The following ADAMTS3 variants were observed in gnomAD, a reference collection of about 807,000 sequenced individuals.
ADAMTS3 encodes the protein A disintegrin and metalloproteinase with thrombospondin motifs 3.
In ADAMTS3, 73 loss-of-function variants were observed where a neutral mutation model predicts 129.0. The observed-to-expected ratio is 0.57, with a 90% confidence interval of 0.47 to 0.69. ADAMTS3 has a LOEUF of 0.69. Among genes scored for constraint, ADAMTS3 ranks in the 30% least tolerant of loss-of-function variants. ADAMTS3 has a pLI of 0.00. For synonymous variants in ADAMTS3, 477 were observed against 510.8 expected (o/e 0.93, Z 0.89); for missense variants, 1,457 against 1,514.5 (o/e 0.96, Z 0.63).
At chr4:72,290,756 G>T in intron 20 of ADAMTS3, 99 bp downstream of exon 20, 1 of 1,288,558 alleles carries the variant, frequency 7.8e-7, no homozygotes, top group Non-Finnish European at 1.1e-6. Flanking sequence ...TAGTTTCTCA[G>T]TTCACACAAA....
At chr4:72,318,888 T>C (rs1320858514) in intron 9 of ADAMTS3, among the ~76,000 whole-genome samples, 184 bp from the exon 10 acceptor site, 1 of 152,186 alleles carries the variant, frequency 6.6e-6, no homozygotes, top group Non-Finnish European at 1.5e-5. Context: ...TCTTTACCTG[T>C]ATTCATGCCA....
intron 3 of ADAMTS3, among the ~76,000 whole-genome samples, chr4:72,483,182 A>G (rs1310805240): frequency 1.3e-5 from 2 of 152,160 alleles, no homozygotes; most frequent in African/African-American, 4.8e-5. Flanking sequence ...AAAGGCGTAC[A>G]TATTGGAAGG....
chr4:72,395,793 A>G (rs1278710397), intron 4 of ADAMTS3, among the ~76,000 whole-genome samples: 2 of 152,020 alleles, frequency 1.3e-5, no homozygotes, highest in African/African-American at 4.8e-5. Flanking sequence ...TCCATAATGT[A>G]TAAATGATAG....
intron 3 of ADAMTS3, among the ~76,000 whole-genome samples, chr4:72,462,548 G>A (rs1255255075): frequency 3.3e-5 from 5 of 151,984 alleles, no homozygotes; most frequent in South Asian, 2.1e-4. Flanking sequence ...TGATGGTCCC[G>A]TAGGATTCCA....
chr4:72,542,294 C>T (rs1275294371), intron 3 of ADAMTS3, among the ~76,000 whole-genome samples: 2 of 151,804 alleles, frequency 1.3e-5, no homozygotes, highest in African/African-American at 4.8e-5. Context: ...CCTCCCGAGT[C>T]GCTGGGACTA....
chr4:72,312,233 A>G (rs1719257739), intron 13 of ADAMTS3, 58 bp downstream of exon 13: 20 of 1,594,828 alleles, frequency 1.3e-5, no homozygotes, highest in Non-Finnish European at 1.7e-5. Context: ...CGTGCTGGCA[A>G]AGCTTAAACT....
intron 3 of ADAMTS3, among the ~76,000 whole-genome samples, chr4:72,535,898 T>G (rs1721174671): frequency 6.6e-6 from 1 of 152,224 alleles, no homozygotes; most frequent in Non-Finnish European, 1.5e-5. Flanking sequence ...CATCTCATCC[T>G]GAGATTCCTA....
chr4:72,531,528 G>C (rs1006226158), intron 3 of ADAMTS3, among the ~76,000 whole-genome samples: 11 of 152,128 alleles, frequency 7.2e-5, no homozygotes, highest in African/African-American at 2.4e-4. Context: ...GCAGGAGAGG[G>C]TTGGGTAAAG....
intron 3 of ADAMTS3, among the ~76,000 whole-genome samples, chr4:72,542,684 G>A (rs189544676): frequency 0.019 from 2,968 of 152,248 alleles, 37 homozygotes; most frequent in Non-Finnish European, 0.032. Context: ...TCCAAAGTAT[G>A]ACCCATGACT....
chr4:72,487,286 T>A (rs995403360), intron 3 of ADAMTS3, among the ~76,000 whole-genome samples: 3 of 152,110 alleles, frequency 2.0e-5, no homozygotes, highest in Non-Finnish European at 4.4e-5. Context: ...GAGAAAAAGC[T>A]AACATGGATA....
chr4:72,445,404 A>G (rs1228505823), intron 3 of ADAMTS3, among the ~76,000 whole-genome samples: 1 of 151,764 alleles, frequency 6.6e-6, no homozygotes, highest in Non-Finnish European at 1.5e-5. Flanking sequence ...CTCAGCCACC[A>G]ATATGTTCAA....
intron 4 of ADAMTS3, among the ~76,000 whole-genome samples, chr4:72,370,424 C>T (rs1030453705): frequency 1.3e-5 from 2 of 152,022 alleles, no homozygotes; most frequent in African/African-American, 4.8e-5. Flanking sequence ...TATCAATCTG[C>T]TTATTGTATC....
chr4:72,342,359 CTT>C (rs58586015), intron 4 of ADAMTS3, among the ~76,000 whole-genome samples: 73,050 of 127,272 alleles, frequency 0.57, 24,050 homozygotes, highest in Non-Finnish European at 0.76. Flanking sequence ...TCCCCAATTA[CTT>C]TTTTTTTTTT....
intron 2 of ADAMTS3, among the ~76,000 whole-genome samples, chr4:72,554,982 T>C (rs1258556034): frequency 6.6e-6 from 1 of 151,806 alleles, no homozygotes; most frequent in Admixed American, 6.6e-5. Context: ...TCACAGTGCT[T>C]ACAACACTGT....
At chr4:72,321,089 C>A (rs1013711898) in intron 6 of ADAMTS3, among the ~76,000 whole-genome samples, 2 of 152,008 alleles carry the variant, frequency 1.3e-5, no homozygotes, top group African/African-American at 4.8e-5. Context: ...CAAATGATAC[C>A]ATTTATGAGA....
chr4:72,373,332 C>T (rs1194578861), intron 4 of ADAMTS3, among the ~76,000 whole-genome samples: 1 of 152,012 alleles, frequency 6.6e-6, no homozygotes, highest in African/African-American at 2.4e-5. Context: ...GACTGCCACG[C>T]AGTGGGAAAA....
intron 2 of ADAMTS3, among the ~76,000 whole-genome samples, chr4:72,549,967 A>AAG (rs1491094268): frequency 1.5e-5 from 1 of 65,020 alleles, no homozygotes; most frequent in East Asian, 6.5e-4. Flanking sequence ...AAAAAAAAGA[A>AAG]GAAGAAGAAG....
intron 4 of ADAMTS3, among the ~76,000 whole-genome samples, chr4:72,393,973 A>G (rs1309781168): frequency 6.6e-6 from 1 of 152,240 alleles, no homozygotes; most frequent in Non-Finnish European, 1.5e-5. Flanking sequence ...TAAACAGTCT[A>G]TATCTGGATG....
intron 3 of ADAMTS3, among the ~76,000 whole-genome samples, chr4:72,516,296 C>T (rs1220833993): frequency 6.6e-6 from 1 of 152,066 alleles, no homozygotes; most frequent in Non-Finnish European, 1.5e-5. Context: ...GTTCTTTTAG[C>T]TTAGGATTGA....
Sources: allele counts gnomAD v4.1 joint callset (sites outside exome capture counted in the v4.1 genomes callset), GRCh38; gene constraint gnomAD v4.1.1; transcripts MANE v1.5; gene names NCBI Gene and HGNC (gene_info 2026-07-23, HGNC 2026-07-21).